DEAF1: variants seen among roughly 807,000 people sequenced by gnomAD.
The protein encoded by DEAF1 is DEAF1 transcription factor.
Under a neutral mutation model 58.9 loss-of-function variants are expected in DEAF1, and 53 were observed. The observed-to-expected ratio is 0.90, with a 90% CI of 0.72 to 1.13. The LOEUF is 1.13. Among genes scored for constraint, DEAF1 ranks in the 50% most tolerant of loss-of-function variants. DEAF1 has a pLI of 0.00. For missense variants in DEAF1, 685 were observed against 791.4 expected (o/e 0.87, Z 1.61); for synonymous variants, 385 against 340.4 (o/e 1.13, Z -1.44).
At chr11:654,560 C>CG (rs1858954175) in intron 10 of DEAF1, 2 of 455,278 alleles carry the variant, frequency 4.4e-6, no homozygotes, top group Non-Finnish European at 8.8e-6. Flanking sequence ...GTGCAGTTTG[C>CG]CCCCTACATT....
chr11:704,169 T>C, intron 1 of DEAF1: 1 of 1,086,488 alleles, frequency 9.2e-7, no homozygotes. Context: ...CCATCTCCAG[T>C]TCTCCTGCCC....
At chr11:703,017 T>C in intron 1 of DEAF1, 1 of 1,612,496 alleles carries the variant, frequency 6.2e-7, no homozygotes. Flanking sequence ...GGCACCGCCC[T>C]CCTCTCTGCC....
At chr11:657,501 A>G (rs914719753) in intron 10 of DEAF1, among the ~76,000 whole-genome samples, 1 of 152,148 alleles carries the variant, frequency 6.6e-6, no homozygotes, top group African/African-American at 2.4e-5. Flanking sequence ...TGATCAAATA[A>G]ATAAATACAA....
At chr11:697,563 CA>C (rs1379835062), upstream of DEAF1, 1 of 152,178 alleles carries the variant, frequency 6.6e-6, no homozygotes, top group Non-Finnish European at 1.5e-5. Flanking sequence ...CCCCAAGCCC[CA>C]TAACTTCAAT....
intron 1 of DEAF1, among the ~76,000 whole-genome samples, chr11:693,085 G>A (rs757192323): frequency 9.9e-5 from 15 of 152,166 alleles, no homozygotes; most frequent in Non-Finnish European, 2.1e-4. Flanking sequence ...GACGTCAGCT[G>A]TTCGTAATTT....
intron 11 of DEAF1, among the ~76,000 whole-genome samples, chr11:645,329 GT>G (rs1858437557): frequency 6.6e-6 from 1 of 151,960 alleles, no homozygotes; most frequent in African/African-American, 2.4e-5. Context: ...TTTTTTTGTT[GT>G]TTTTCGGACA....
intron 5 of DEAF1, among the ~76,000 whole-genome samples, chr11:685,609 C>T (rs374588050): frequency 6.6e-6 from 1 of 152,018 alleles, no homozygotes; most frequent in Non-Finnish European, 1.5e-5. Flanking sequence ...GCAGGAGGAT[C>T]GCTTGAACCC....
intron 1 of DEAF1, chr11:700,847 C>A: frequency 1.2e-6 from 1 of 805,344 alleles, no homozygotes; most frequent in Non-Finnish European, 2.2e-6. Context: ...GCTTTGCAGG[C>A]TCACCTTACA....
At chr11:681,770 T>C (rs1860387255) in intron 6 of DEAF1, among the ~76,000 whole-genome samples, 1 of 152,140 alleles carries the variant, frequency 6.6e-6, no homozygotes, top group African/African-American at 2.4e-5. Context: ...GGAGACAGTG[T>C]CTTCAGACCT....
intron 8 of DEAF1, among the ~76,000 whole-genome samples, chr11:679,163 A>C (rs1236213187): frequency 1.3e-5 from 2 of 152,050 alleles, no homozygotes; most frequent in Non-Finnish European, 2.9e-5. Flanking sequence ...ATACCAAAAA[A>C]AAATTAGCCG....
intron 2 of DEAF1, among the ~76,000 whole-genome samples, chr11:690,678 G>A (rs767836623): frequency 8.5e-5 from 13 of 152,206 alleles, no homozygotes; most frequent in African/African-American, 1.2e-4. Flanking sequence ...CCCAGGAGGC[G>A]GAGGTTGCAA....
chr11:651,110 G>A (rs548074711), intron 11 of DEAF1: 6 of 154,370 alleles, frequency 3.9e-5, no homozygotes, highest in Admixed American at 2.6e-4. Context: ...TTACAGGCAC[G>A]CGCCACCACG....
chr11:684,419 G>GA (rs537636795), intron 6 of DEAF1, among the ~76,000 whole-genome samples: 6,341 of 137,772 alleles, frequency 0.046, 312 homozygotes, highest in African/African-American at 0.13. Context: ...CTTCGTCTCA[G>GA]AAAAAAAAAA....
At chr11:670,946 T>TTTTTTTTG (rs1859796584) in intron 10 of DEAF1, among the ~76,000 whole-genome samples, 4 of 145,384 alleles carry the variant, frequency 2.8e-5, no homozygotes, top group Admixed American at 1.4e-4. Context: ...TTTTTTTTTT[T>TTTTTTTTG]GAGACAGAGT....
chr11:660,862 G>A (rs557118131), intron 10 of DEAF1, among the ~76,000 whole-genome samples: 2 of 150,620 alleles, frequency 1.3e-5, no homozygotes, highest in South Asian at 2.1e-4. Context: ...AGCCCCTCTC[G>A]GCGCTGCTTG....
intron 5 of DEAF1, among the ~76,000 whole-genome samples, chr11:685,568 G>A (rs761044945): frequency 5.3e-5 from 8 of 152,078 alleles, no homozygotes; most frequent in Admixed American, 2.0e-4. Flanking sequence ...GGTGGCGCAT[G>A]CCCATAGTCC....
At chr11:658,646 G>T (rs1270036729) in intron 10 of DEAF1, among the ~76,000 whole-genome samples, 1 of 152,284 alleles carries the variant, frequency 6.6e-6, no homozygotes, top group East Asian at 1.9e-4. Flanking sequence ...CTGCCAAGCA[G>T]CTGGCATTGC....
At chr11:674,810 C>T (rs1243377613) in intron 9 of DEAF1, 27 bp from the exon 10 acceptor site, 2 of 1,606,512 alleles carry the variant, frequency 1.2e-6, no homozygotes, top group Non-Finnish European at 8.5e-7. Context: ...GCAAAACAAA[C>T]CAAGAAATTA....
chr11:703,655 T>A (rs780522862), intron 1 of DEAF1: 97 of 1,232,626 alleles, frequency 7.9e-5, no homozygotes, highest in Non-Finnish European at 9.5e-5. Flanking sequence ...GGGTAGGCCT[T>A]GTGCTCTGAG....
Sources: gnomAD v4.1 joint callset for allele counts (sites outside exome capture counted in the v4.1 genomes callset) on GRCh38, gnomAD v4.1.1 for gene constraint, MANE v1.5 for transcripts, NCBI Gene and HGNC (gene_info 2026-07-23, HGNC 2026-07-21) for gene names.